The following AKAP6 variants were observed in gnomAD, a reference collection of about 807,000 sequenced individuals.
AKAP6 encodes A-kinase anchor protein 6.
In AKAP6, 58 loss-of-function variants were observed where a neutral mutation model predicts 188.5. The observed-to-expected ratio is 0.31, with a 90% CI of 0.25 to 0.38. The LOEUF (loss-of-function observed/expected upper bound fraction) is 0.38, where lower values mean the gene tolerates loss of function less well. Ranked by LOEUF, AKAP6 falls within the 10% of genes least tolerant of loss-of-function variation. AKAP6 has a pLI of 1.00. For missense variants in AKAP6, 2,710 were observed against 2,740.0 expected (o/e 0.99, Z 0.24); for synonymous variants, 989 against 998.6 (o/e 0.99, Z 0.18).
intron 11 of AKAP6, among the ~76,000 whole-genome samples, chr14:32,753,934 T>C (rs1455277738): frequency 6.6e-6 from 1 of 152,110 alleles, no homozygotes; most frequent in Non-Finnish European, 1.5e-5. Flanking sequence ...AGCTTTGTGG[T>C]ATATTTTGAT....
At chr14:32,761,454 A>T (rs2032535270) in intron 11 of AKAP6, among the ~76,000 whole-genome samples, 1 of 152,172 alleles carries the variant, frequency 6.6e-6, no homozygotes, top group Admixed American at 6.5e-5. Flanking sequence ...ATATTAGCTA[A>T]AAATAAGTCT....
chr14:32,714,491 G>T (rs953496985), intron 9 of AKAP6, among the ~76,000 whole-genome samples: 9 of 151,722 alleles, frequency 5.9e-5, no homozygotes, highest in African/African-American at 2.2e-4. Flanking sequence ...ACTGCTTTTG[G>T]TTCATTTCAG....
chr14:32,490,603 C>A (rs1377986075), intron 2 of AKAP6, among the ~76,000 whole-genome samples: 4 of 152,046 alleles, frequency 2.6e-5, no homozygotes, highest in Non-Finnish European at 5.9e-5. Context: ...TTACCAGGGC[C>A]TCTCCTCCTT....
intron 3 of AKAP6, among the ~76,000 whole-genome samples, chr14:32,537,772 ATTG>A (rs1205070476): frequency 7.9e-5 from 12 of 152,144 alleles, no homozygotes; most frequent in African/African-American, 2.7e-4. Context: ...TGTTGTTATT[ATTG>A]TTCTGTGGAA....
At chr14:32,522,953 T>G (rs947993594) in intron 2 of AKAP6, among the ~76,000 whole-genome samples, 2 of 152,050 alleles carry the variant, frequency 1.3e-5, no homozygotes, top group Non-Finnish European at 2.9e-5. Context: ...TAGACTAGAT[T>G]AAGAAAATGT....
At chr14:32,655,322 G>C (rs1470773314) in intron 7 of AKAP6, among the ~76,000 whole-genome samples, 1 of 152,300 alleles carries the variant, frequency 6.6e-6, no homozygotes, top group East Asian at 1.9e-4. Flanking sequence ...GAGCGTAGAT[G>C]CAAGATGTTA....
chr14:32,693,404 A>G (rs1487072059), intron 8 of AKAP6: 1 of 152,052 alleles, frequency 6.6e-6, no homozygotes, highest in Non-Finnish European at 1.5e-5. Context: ...TCACCAGCTG[A>G]CCTCTCAAGA....
intron 1 of AKAP6, among the ~76,000 whole-genome samples, chr14:32,400,563 C>CAAAAAAAAAAAAAAAAAAAAAAAAAAA (rs71432051): frequency 1.4e-5 from 1 of 73,984 alleles, no homozygotes; most frequent in African/African-American, 5.1e-5. Context: ...CCACTTTTAG[C>CAAAAAAAAAAAAAAAAAAAAAAAAAAA]AAAAAAAAAA....
intron 1 of AKAP6, among the ~76,000 whole-genome samples, chr14:32,355,623 A>G (rs1887456575): frequency 6.6e-6 from 1 of 152,248 alleles, no homozygotes; most frequent in Non-Finnish European, 1.5e-5. Flanking sequence ...AACACAATAG[A>G]CAAGATCTAG....
chr14:32,759,491 G>C (rs1196030482), intron 11 of AKAP6, among the ~76,000 whole-genome samples: 2 of 152,154 alleles, frequency 1.3e-5, no homozygotes, highest in Non-Finnish European at 2.9e-5. Context: ...ACCAGCAAAA[G>C]AGCCAATGAG....
chr14:32,725,706 T>A (rs1461842756), intron 9 of AKAP6, among the ~76,000 whole-genome samples: 1 of 152,174 alleles, frequency 6.6e-6, no homozygotes, highest in Non-Finnish European at 1.5e-5. Flanking sequence ...AGTGTAGTGT[T>A]GGAAATGTAG....
intron 1 of AKAP6, among the ~76,000 whole-genome samples, chr14:32,418,553 T>A (rs749259036): frequency 6.6e-6 from 1 of 152,150 alleles, no homozygotes; most frequent in Non-Finnish European, 1.5e-5. Flanking sequence ...CAGCATTCCG[T>A]CCCTTATATT....
At chr14:32,391,928 A>G (rs1431092417) in intron 1 of AKAP6, among the ~76,000 whole-genome samples, 2 of 152,152 alleles carry the variant, frequency 1.3e-5, no homozygotes, top group African/African-American at 2.4e-5. Flanking sequence ...GGGGAATGGA[A>G]ATGGAGAAGA....
intron 11 of AKAP6, among the ~76,000 whole-genome samples, chr14:32,771,954 G>A (rs1465926795): frequency 6.6e-6 from 1 of 151,976 alleles, no homozygotes; most frequent in Non-Finnish European, 1.5e-5. Context: ...TTTAATATTG[G>A]GCCCCAAATT....
intron 12 of AKAP6, among the ~76,000 whole-genome samples, chr14:32,794,571 C>A (rs940205125): frequency 6.6e-6 from 1 of 152,018 alleles, no homozygotes; most frequent in Non-Finnish European, 1.5e-5. Flanking sequence ...AACAAACAAA[C>A]AAACAAACAA....
rs143797481 is a variant in AKAP6, at chr14:32,620,781, A to G, written c.2730+19989A>G. 3.2e-3 allele frequency among the ~76,000 whole-genome samples: 492 copies of G among 151,562 alleles called. 2 individuals are homozygous for G. The highest frequency in any genetic ancestry group is 5.7e-3 in the Non-Finnish European group (388 of 67,792). On this transcript the variant is annotated intron_variant, in intron 7 of 13. Coordinates refer to ENST00000280979, the MANE Select transcript of AKAP6 (RefSeq NM_004274.5). ...TCTGGTAGAATTTGGCTGTGAATCC[A>G]TTTGACCCAGGGCTTTTTTTCACTG...
At chr14:32,388,020 G>A (rs763715956) in intron 1 of AKAP6, among the ~76,000 whole-genome samples, 2 of 151,606 alleles carry the variant, frequency 1.3e-5, no homozygotes, top group Admixed American at 6.6e-5. Context: ...TTTCAATCTC[G>A]CTGCTTGTTA....
At position 32,830,286 on chromosome 14, in the gene AKAP6, G is replaced by A. The variant is rs920634518; in HGVS notation, c.*481G>A. 2 of 229,016 alleles carry A rather than the reference G, an allele frequency of 8.7e-6. No homozygotes were observed. Among genetic ancestry groups the A allele is most frequent in the East Asian group, 1.7e-4 (2 of 11,540 alleles). 14.2% of individuals were successfully genotyped at this position (229,016 alleles called of 1,614,324 possible). Reference sequence around the variant, plus strand: ...GGTATAATGACTGTGTTTATTGAAAGAGTTTTACCTAAAAAGCCAACATTT... The same window carrying A: ...GGTATAATGACTGTGTTTATTGAAAAAGTTTTACCTAAAAAGCCAACATTT... On this transcript the variant is annotated 3_prime_UTR_variant, in exon 14 of 14. Coordinates refer to ENST00000280979, the MANE Select transcript of AKAP6 (RefSeq NM_004274.5).
intron 4 of AKAP6, among the ~76,000 whole-genome samples, chr14:32,571,259 C>T (rs1235498784): frequency 6.6e-6 from 1 of 151,210 alleles, no homozygotes; most frequent in Non-Finnish European, 1.5e-5. Context: ...TGCAGTGGCT[C>T]GTGCCTGTGA....
Sources: allele counts gnomAD v4.1 joint callset (sites outside exome capture counted in the v4.1 genomes callset), GRCh38; gene constraint gnomAD v4.1.1; transcripts MANE v1.5; gene names NCBI Gene and HGNC (gene_info 2026-07-23, HGNC 2026-07-21).